Variants in PRPF8 observed in about 807,000 individuals in gnomAD.
PRPF8 encodes the protein pre-mRNA-processing-splicing factor 8.
Under a neutral mutation model 285.9 loss-of-function variants are expected in PRPF8, and 64 were observed. The observed-to-expected ratio is 0.22, with a 90% CI of 0.18 to 0.28. The LOEUF (loss-of-function observed/expected upper bound fraction) is 0.28. PRPF8 is among the 10% of genes least tolerant of loss of function. The pLI is 1.00. For missense variants in PRPF8, 1,426 were observed against 3,026.7 expected, an observed-to-expected ratio of 0.47 and a Z score of 12.41; for synonymous variants, 1,325 against 1,118.2, an observed-to-expected ratio of 1.18 and a Z score of -3.69.
chr17:1,656,868 ACT>A, intron 34 of PRPF8, 107 bp from the exon 35 acceptor site: 2 of 1,024,042 alleles, frequency 2.0e-6, no homozygotes. Context: ...TCTATTGAAC[ACT>A]GATGTTAAAT....
Position 1,651,518 on chromosome 17 carries a change from G to A in PRPF8, c.6546C>T (p.Pro2182=), listed in dbSNP as rs1382614719. 3 of 1,614,138 alleles carry A rather than the reference G, an allele frequency of 1.9e-6. No homozygotes were observed. Among genetic ancestry groups the A allele is most frequent in the South Asian group, 1.1e-5 (1 of 91,082 alleles). ...MEPLGWIHTQ[P]NESPQLSPQD... ...GGGGTGATAACTGCGGGGACTCATT[G>A]GGCTGAGTGTGGATCCAACCTAAGG... The change falls in exon 41 of 43, where the codon CCC becomes CCT. Residue 2182 remains proline (P), a synonymous_variant. Coordinates refer to ENST00000304992, the MANE Select transcript of PRPF8 (RefSeq NM_006445.4). The surrounding 1 kb of genome is among the most constrained non-coding windows in gnomAD (Gnocchi z 5.1).
At position 1,673,400 on chromosome 17, in the gene PRPF8, T is replaced by G. The variant is rs2151125843; in HGVS notation, c.3614A>C (p.Glu1205Ala). The change falls in exon 23 of 43, where the codon GAG becomes GCG. Residue 1205 changes from glutamate (E) to alanine (A), a missense_variant. Around this residue, in one of 34 missense-constraint regions of PRPF8, gnomAD observed 10 missense variants for 37.8 expected, o/e 0.26. Coordinates refer to ENST00000304992, the MANE Select transcript of PRPF8 (RefSeq NM_006445.4). This position sits in a 1 kb window ranked among gnomAD's most constrained non-coding sequence, Gnocchi z 5.5. ...GACCCCGTCCTTGTGGGTGAACTCC[T>G]CATAGCTGGTGCGGCACTTAGGCAG... is the stretch of plus-strand genomic sequence containing the variant. ...RILPKCRTSY[E>A]EFTHKDGVWN... is the part of the protein sequence containing the mutation. 1.2e-6 allele frequency: 2 copies of G among 1,614,146 alleles called. No individual in the cohort carries two copies. Among genetic ancestry groups the G allele is most frequent in the Non-Finnish European group, 1.7e-6 (2 of 1,180,026 alleles).
intron 36 of PRPF8, 22 bp from the exon 37 acceptor site, chr17:1,655,565 T>C (rs766517735): frequency 6.3e-7 from 1 of 1,586,050 alleles, no homozygotes; most frequent in South Asian, 1.1e-5. Flanking sequence ...TTTGGAAGAG[T>C]GGGGTAGGTC....
Position 1,651,008 on chromosome 17 carries a change from C to T in PRPF8, c.6854-52G>A, listed in dbSNP as rs770987740. On this transcript the variant is annotated intron_variant, in intron 42 of 42. Coordinates refer to ENST00000304992, the MANE Select transcript of PRPF8 (RefSeq NM_006445.4). This position sits in a 1 kb window ranked among gnomAD's most constrained non-coding sequence, Gnocchi z 5.1. ...TTAACAGGGCTCCTGCCTCATGCAGCCTGCGCCACCTCCAAGCCAGCCAGG... is the reference window on the plus strand; with the variant it reads ...TTAACAGGGCTCCTGCCTCATGCAGTCTGCGCCACCTCCAAGCCAGCCAGG... The T allele has an allele frequency of 5.6e-5, 91 of 1,613,996 alleles. No homozygotes were observed. In the Admixed American group the frequency reaches 1.5e-3, roughly 27 times the overall value.
chr17:1,671,850 C>CAAA (rs1225346730), intron 24 of PRPF8, among the ~76,000 whole-genome samples: 45 of 49,786 alleles, frequency 9.0e-4, no homozygotes, highest in African/African-American at 3.2e-3. Flanking sequence ...GACTCCATCT[C>CAAA]AAAAAAAAAA....
chr17:1,652,040 G>A, intron 39 of PRPF8: 1 of 595,504 alleles, frequency 1.7e-6, no homozygotes, highest in Non-Finnish European at 3.0e-6. Context: ...CTCCCCAGCT[G>A]ATTATTAAGC....
intron 36 of PRPF8, among the ~76,000 whole-genome samples, chr17:1,655,924 CT>C (rs76782744): frequency 0.21 from 25,030 of 119,368 alleles, 4,208 homozygotes; most frequent in African/African-American, 0.5. Flanking sequence ...TGCGCCCGGC[CT>C]TTTTTTTTTT....
chr17:1,662,575 C>T (rs1199758825), intron 24 of PRPF8, among the ~76,000 whole-genome samples: 6 of 146,362 alleles, frequency 4.1e-5, no homozygotes, highest in African/African-American at 1.3e-4. Flanking sequence ...GGCAACACAG[C>T]GAGACTCCAT....
Position 1,658,195 on chromosome 17 carries a change from A to AC in PRPF8, c.5505+57dup. The AC allele has an allele frequency of 6.2e-7, 1 of 1,612,160 alleles. No homozygotes were observed. Among genetic ancestry groups the AC allele is most frequent in the Non-Finnish European group, 8.5e-7 (1 of 1,179,354 alleles). ...TAAACCAGTAAATATTACCAAGTCC[A>AC]CCCCAAGAATAAGAGGCAACATGGT... is the stretch of plus-strand genomic sequence containing the variant. On this transcript the variant is annotated intron_variant, in intron 34 of 42. Coordinates refer to ENST00000304992, the MANE Select transcript of PRPF8 (RefSeq NM_006445.4). This position sits in a 1 kb window ranked among gnomAD's most constrained non-coding sequence, Gnocchi z 4.1.
At chr17:1,670,177 G>T (rs1006362226) in intron 24 of PRPF8, among the ~76,000 whole-genome samples, 1 of 152,184 alleles carries the variant, frequency 6.6e-6, no homozygotes, top group African/African-American at 2.4e-5. Context: ...ATGTATCTTG[G>T]AACTGAAGAA....
At chr17:1,666,495 G>A (rs1911991680) in intron 24 of PRPF8, among the ~76,000 whole-genome samples, 1 of 150,176 alleles carries the variant, frequency 6.7e-6, no homozygotes, top group Non-Finnish European at 1.5e-5. Flanking sequence ...AGGTTACAGT[G>A]AGCTGAGACT....
chr17:1,675,159 T>A lies in PRPF8; in HGVS notation c.3053A>T (p.Asn1018Ile). The stretch of plus-strand genomic sequence containing the variant: ...ACTGCGCCTGAGACGCACCTTATAG[T>A]TGATGACGACGTTGTTCTTGGCTGT... ...YMTAKNNVVI[N>I]YKDMNHTNSY... is the part of the protein sequence containing the mutation. Residue 1018 changes from asparagine (N) to isoleucine (I), a missense_variant, in exon 20 of 43, where the codon AAC becomes ATC. Asn to Ile is a moderately radical substitution (Grantham distance 149). This residue lies in a region of PRPF8 where 32 missense variants were observed against 89.2 expected (regional missense o/e 0.36). Transcript: ENST00000304992. This position sits in a 1 kb window ranked among gnomAD's most constrained non-coding sequence, Gnocchi z 6.0. 1 of 1,613,642 alleles carries A rather than the reference T, an allele frequency of 6.2e-7. No individual in the cohort carries two copies.
At chr17:1,677,207 A>G in intron 14 of PRPF8, 35 bp from the exon 15 acceptor site, 1 of 1,598,668 alleles carries the variant, frequency 6.3e-7, no homozygotes, top group Non-Finnish European at 8.6e-7. Flanking sequence ...ATTACAAGGA[A>G]GATTCCTTGC....
rs1313191699 is a variant in PRPF8 at position 1,673,869 on chromosome 17, T to A, written c.3323A>T (p.Asp1108Val). Residue 1108 changes from aspartate (D) to valine (V), a missense_variant, in exon 22 of 43, where the codon GAC (aspartate) becomes GTC (valine). Around this residue, in one of 34 missense-constraint regions of PRPF8, gnomAD observed 148 missense variants for 196.2 expected, o/e 0.75. Coordinates refer to ENST00000304992, the MANE Select transcript of PRPF8 (RefSeq NM_006445.4). The surrounding 1 kb of genome is among the most constrained non-coding windows in gnomAD (Gnocchi z 5.5). Reference sequence around the variant, plus strand: ...CTCTGTCAGGTAACGTTGAATCAGGTCCCGAGCCTCATCTGCTGTGAACCT... The same window carrying A: ...CTCTGTCAGGTAACGTTGAATCAGGACCCGAGCCTCATCTGCTGTGAACCT... ...FFRFTADEAR[D>V]LIQRYLTEHP... The A allele has an allele frequency of 6.2e-7, 1 of 1,613,748 alleles. No individual in the cohort carries two copies. Among genetic ancestry groups the A allele is most frequent in the Non-Finnish European group, 8.5e-7 (1 of 1,179,986 alleles).
At chr17:1,674,188 A>T (rs1386589168) in intron 21 of PRPF8, among the ~76,000 whole-genome samples, 1 of 152,002 alleles carries the variant, frequency 6.6e-6, no homozygotes, top group African/African-American at 2.4e-5. Flanking sequence ...ACGCCCAGCT[A>T]ATTTTTTGTA....
intron 14 of PRPF8, 147 bp from the exon 15 acceptor site, chr17:1,677,319 G>A (rs780430333): frequency 1.1e-5 from 11 of 994,574 alleles, no homozygotes; most frequent in Middle Eastern, 3.0e-4. Flanking sequence ...GCAAAAAGAC[G>A]AGCTACCTTA....
rs1407328436 is a variant in PRPF8 at position 1,678,745 on chromosome 17, G to A, written c.1719+17C>T. On this transcript the variant is annotated intron_variant, in intron 12 of 42. Transcript: ENST00000304992. ...AGCGTCCTCACCCAGGCAGGGGTTG[G>A]GAATACCTAACCTTACCTGGAAGGC... is the stretch of plus-strand genomic sequence containing the variant. The A allele has an allele frequency of 6.2e-7, 1 of 1,614,042 alleles. No homozygotes were observed. Among genetic ancestry groups the A allele is most frequent in the Non-Finnish European group, 8.5e-7 (1 of 1,180,042 alleles).
chr17:1,656,578 C>G lies in PRPF8; in HGVS notation c.5620-13G>C, dbSNP rs2151113140. 2 of 1,614,130 alleles carry G rather than the reference C, an allele frequency of 1.2e-6. No individual in the cohort carries two copies. Among genetic ancestry groups the G allele is most frequent in the Non-Finnish European group, 1.7e-6 (2 of 1,180,018 alleles). On this transcript the variant is annotated splice_polypyrimidine_tract_variant and intron_variant, in intron 35 of 42. Coordinates refer to ENST00000304992, the MANE Select transcript of PRPF8 (RefSeq NM_006445.4). ...CCAGTAAGTGCACCTAAGACAAGAT[C>G]AAGTCCAAGATGAGAAACAGCCTGA... is the stretch of plus-strand genomic sequence containing the variant.
At chr17:1,678,708 C>A in intron 12 of PRPF8, 54 bp downstream of exon 12, 2 of 1,614,172 alleles carry the variant, frequency 1.2e-6, no homozygotes, top group Non-Finnish European at 1.7e-6. Context: ...ACGGTCAGCA[C>A]AGGCTTCCTC....
Sources: gnomAD v4.1 joint callset for allele counts (sites outside exome capture counted in the v4.1 genomes callset) on GRCh38, gnomAD v4.1.1 for gene constraint, gnomAD v4.1.1 regional missense constraint, Gnocchi (gnomAD v3.1) non-coding constraint, MANE v1.5 for transcripts, NCBI Gene and HGNC (gene_info 2026-07-23, HGNC 2026-07-21) for gene names.